TMEM178B: variants seen among roughly 807,000 people sequenced by gnomAD.
The protein encoded by TMEM178B is transmembrane protein 178B.
TMEM178B carries 5 observed loss-of-function variants against 31.0 expected under a neutral mutation model. That is an observed-to-expected ratio of 0.16 (90% CI 0.08 to 0.34). TMEM178B has a LOEUF of 0.34. Among genes scored for constraint, TMEM178B ranks in the 10% least tolerant of loss-of-function variants. TMEM178B has a pLI of 1.00. For missense variants in TMEM178B, 275 were observed against 400.3 expected (o/e 0.69, Z 2.67); for synonymous variants, 164 against 164.0 (o/e 1.00, Z 0.00).
intron 1 of TMEM178B, among the ~76,000 whole-genome samples, chr7:141,197,695 C>A (rs529332189): frequency 6.6e-6 from 1 of 151,992 alleles, no homozygotes; most frequent in South Asian, 2.1e-4. Context: ...TGCAGTGGTG[C>A]GATCTTGGCT....
intron 2 of TMEM178B, among the ~76,000 whole-genome samples, chr7:141,432,131 T>C (rs1161243730): frequency 6.7e-6 from 1 of 148,846 alleles, no homozygotes; most frequent in Admixed American, 6.7e-5. Flanking sequence ...TTTCTTTTTC[T>C]CTCCTTCACT....
At chr7:141,215,337 A>ATTATTATTATTATTATTTTTTTTTT (rs55726735) in intron 2 of TMEM178B, among the ~76,000 whole-genome samples, 1 of 141,488 alleles carries the variant, frequency 7.1e-6, no homozygotes, top group Non-Finnish European at 1.5e-5. Flanking sequence ...TATTATTATT[A>ATTATTATTATTATTATTTTTTTTTT]TTTTTTGAGA....
At chr7:141,117,468 C>G (rs1480438139) in intron 1 of TMEM178B, among the ~76,000 whole-genome samples, 2 of 152,188 alleles carry the variant, frequency 1.3e-5, no homozygotes, top group Non-Finnish European at 1.5e-5. Context: ...TGCCTGTTCA[C>G]TCTGATGATA....
chr7:141,298,165 G>A (rs1421137642), intron 2 of TMEM178B, among the ~76,000 whole-genome samples: 1 of 152,200 alleles, frequency 6.6e-6, no homozygotes, highest in Non-Finnish European at 1.5e-5. Flanking sequence ...CTTTTGAGAA[G>A]TGTCTGTTCA....
intron 2 of TMEM178B, among the ~76,000 whole-genome samples, chr7:141,219,805 T>C (rs1334949284): frequency 6.6e-6 from 1 of 152,156 alleles, no homozygotes; most frequent in Non-Finnish European, 1.5e-5. Flanking sequence ...GACACTTCCT[T>C]TCCCTCTCAG....
intron 1 of TMEM178B, among the ~76,000 whole-genome samples, chr7:141,132,771 A>G (rs1563095984): frequency 6.6e-6 from 1 of 152,150 alleles, no homozygotes; most frequent in Non-Finnish European, 1.5e-5. Context: ...CTGGAGGCCC[A>G]AGGAGCCACC....
At chr7:141,235,272 G>A (rs1463627811) in intron 2 of TMEM178B, among the ~76,000 whole-genome samples, 1 of 152,176 alleles carries the variant, frequency 6.6e-6, no homozygotes, top group African/African-American at 2.4e-5. Context: ...TTTAATGGTT[G>A]GTGTAGAAGA....
chr7:141,386,139 G>A (rs1252301526), intron 2 of TMEM178B, among the ~76,000 whole-genome samples: 1 of 152,202 alleles, frequency 6.6e-6, no homozygotes, highest in African/African-American at 2.4e-5. Flanking sequence ...AGGGGCCAAA[G>A]GGGTTTGAAA....
At chr7:141,361,852 C>G (rs1262695975) in intron 2 of TMEM178B, among the ~76,000 whole-genome samples, 1 of 152,154 alleles carries the variant, frequency 6.6e-6, no homozygotes, top group African/African-American at 2.4e-5. Context: ...TACACCCAGC[C>G]CACTTCATCA....
intron 2 of TMEM178B, among the ~76,000 whole-genome samples, chr7:141,385,248 A>G (rs774579577): frequency 5.8e-4 from 89 of 152,306 alleles, no homozygotes; most frequent in Non-Finnish European, 1.1e-3. Context: ...AGTAGCTGCA[A>G]TGTGTCCATC....
At chr7:141,419,347 TC>T (rs1163498812) in intron 2 of TMEM178B, among the ~76,000 whole-genome samples, 2 of 152,166 alleles carry the variant, frequency 1.3e-5, no homozygotes, top group African/African-American at 4.8e-5. Context: ...TTCCCCATCA[TC>T]CAAACCAGAA....
intron 2 of TMEM178B, among the ~76,000 whole-genome samples, chr7:141,357,309 T>A (rs984441503): frequency 6.6e-6 from 1 of 152,238 alleles, no homozygotes; most frequent in East Asian, 1.9e-4. Context: ...TTACAAAATT[T>A]GTTGTAAAAT....
Position 141,171,442 on chromosome 7 carries a change from G to A in TMEM178B, c.383-41149G>A, listed in dbSNP as rs1416389488. 6.6e-6 allele frequency among the ~76,000 whole-genome samples: 1 copy of A among 152,236 alleles called. No homozygotes were observed. Among genetic ancestry groups the A allele is most frequent in the Non-Finnish European group, 1.5e-5 (1 of 68,036 alleles). ...ACTGGGAAACAGTCTGGGAGCTCAAGTAACTTGCCCACAATCACTTAGCTG... is the reference window on the plus strand; with the variant it reads ...ACTGGGAAACAGTCTGGGAGCTCAAATAACTTGCCCACAATCACTTAGCTG... On this transcript the variant is annotated intron_variant, in intron 1 of 3. Transcript: ENST00000565468. The surrounding 1 kb of genome is among the most constrained non-coding windows in gnomAD (Gnocchi z 4.3).
At chr7:141,322,363 TAAAAAA>T (rs57989369) in intron 2 of TMEM178B, among the ~76,000 whole-genome samples, 1 of 134,424 alleles carries the variant, frequency 7.4e-6, no homozygotes, top group African/African-American at 2.7e-5. Context: ...CCCATCTTAC[TAAAAAA>T]AAAAAAAAAA....
In TMEM178B at chr7:141,465,780, TG is replaced by T. The variant is rs1419315309; in HGVS notation, c.635-4753del. ...TATAATCCTTATAAGCCCAGCACTTTGGGAGGCCAAGGTGCCTGGATTGCTT... is the reference window on the plus strand; with the variant it reads ...TATAATCCTTATAAGCCCAGCACTTTGGAGGCCAAGGTGCCTGGATTGCTT... On this transcript the variant is annotated intron_variant, in intron 3 of 3. Coordinates refer to ENST00000565468, the MANE Select transcript of TMEM178B (RefSeq NM_001195278.2). Among the ~76,000 whole-genome samples the T allele has an allele frequency of 1.1e-4, 17 of 152,308 alleles. 1 individual carries two copies. Among genetic ancestry groups the T allele is most frequent in the African/African-American group, 4.1e-4 (17 of 41,574 alleles).
chr7:141,408,369 A>G (rs1800922998), intron 2 of TMEM178B, among the ~76,000 whole-genome samples: 1 of 152,138 alleles, frequency 6.6e-6, no homozygotes, highest in African/African-American at 2.4e-5. Flanking sequence ...CAAGCACTGT[A>G]TTAGAGTAGT....
intron 3 of TMEM178B, among the ~76,000 whole-genome samples, chr7:141,445,013 G>A (rs1461819363): frequency 6.6e-6 from 1 of 152,144 alleles, no homozygotes; most frequent in Non-Finnish European, 1.5e-5. Context: ...AAGGGCACGG[G>A]TGGTAATGAG....
chr7:141,239,690 C>T (rs1797589462), intron 2 of TMEM178B, among the ~76,000 whole-genome samples: 1 of 152,220 alleles, frequency 6.6e-6, no homozygotes, highest in Non-Finnish European at 1.5e-5. Context: ...ATTCTGAAAA[C>T]TGTTCCCATC....
intron 2 of TMEM178B, among the ~76,000 whole-genome samples, chr7:141,432,055 C>A (rs374371558): frequency 9.9e-5 from 15 of 151,432 alleles, no homozygotes; most frequent in Non-Finnish European, 2.2e-4. Context: ...ATAGAATAAC[C>A]TTTCTGAGGA....
Sources: gnomAD v4.1 joint callset for allele counts (sites outside exome capture counted in the v4.1 genomes callset) on GRCh38, gnomAD v4.1.1 for gene constraint, Gnocchi (gnomAD v3.1) non-coding constraint, MANE v1.5 for transcripts, NCBI Gene and HGNC (gene_info 2026-07-23, HGNC 2026-07-21) for gene names.